The following PCIF1 variants were observed in gnomAD, a reference collection of about 807,000 sequenced individuals.
PCIF1 encodes the protein mRNA (2'-O-methyladenosine-N(6)-)-methyltransferase.
Under a neutral mutation model 86.9 loss-of-function variants are expected in PCIF1, and 12 were observed. That is an observed-to-expected ratio of 0.14 (90% confidence interval 0.09 to 0.22). The LOEUF (loss-of-function observed/expected upper bound fraction) is 0.22. Ranked by LOEUF, PCIF1 falls within the 10% of genes least tolerant of loss-of-function variation. PCIF1 has a pLI of 1.00. For missense variants in PCIF1, 701 were observed against 951.1 expected (o/e 0.74, Z 3.46); for synonymous variants, 397 against 372.0 (o/e 1.07, Z -0.77).
chr20:45,937,287 T>A (rs2083435174), intron 1 of PCIF1, 131 bp from the exon 2 acceptor site: 1 of 397,438 alleles, frequency 2.5e-6, no homozygotes, highest in African/African-American at 2.1e-5. Flanking sequence ...TTTCATCCCC[T>A]GTATTCCCTC....
chr20:45,939,300 C>T lies in PCIF1; in HGVS notation c.210C>T (p.Ser70=), dbSNP rs751195643. The T allele has an allele frequency of 8.1e-6, 13 of 1,613,626 alleles. No homozygotes were observed. Among genetic ancestry groups the T allele is most frequent in the African/African-American group, 2.7e-5 (2 of 74,934 alleles). The change falls in exon 4 of 17, where the codon TCC becomes TCT. Residue 70 remains serine (S), a synonymous_variant. Transcript: ENST00000372409. ...PYYFNRFTNQ[S]LWEMPVLGQH... is the part of the protein sequence containing the mutation. ...ACTTCAACCGATTCACCAACCAGTC[C>T]CTGTGGGAGATGCCCGTGCTGGGGC...
chr20:45,939,455 C>T lies in PCIF1; in HGVS notation c.249+116C>T, dbSNP rs572595419. 4 of 1,434,396 alleles carry T rather than the reference C, an allele frequency of 2.8e-6. No individual in the cohort carries two copies. In the African/African-American group the frequency reaches 5.6e-5, roughly 20 times the overall value. The allele number at this position is 1,434,396 out of a possible 1,614,324, so 88.9% of individuals were successfully genotyped here. A position where few individuals can be genotyped will look rare whatever the true frequency, so the allele number is the denominator to read the frequency against. On this transcript the variant is annotated intron_variant, in intron 4 of 16. Coordinates refer to ENST00000372409, the MANE Select transcript of PCIF1 (RefSeq NM_022104.4). ...AGCCCTGTGCTGGCACCTGCAGATA[C>T]AATGACAAGCAAGACAGACACAGCC...
chr20:45,936,622 A>T (rs1416935200), intron 1 of PCIF1, among the ~76,000 whole-genome samples: 1 of 151,682 alleles, frequency 6.6e-6, no homozygotes, highest in Non-Finnish European at 1.5e-5. Flanking sequence ...AGTAGCTGGG[A>T]CTGCAGGTGC....
chr20:45,944,952 A>C lies in PCIF1; in HGVS notation c.1090A>C (p.Ile364Leu). The C allele has an allele frequency of 1.2e-6, 2 of 1,614,156 alleles. No homozygotes were observed. Among genetic ancestry groups the C allele is most frequent in the Non-Finnish European group, 1.7e-6 (2 of 1,180,020 alleles). ...CTCCGTGGAAGGCATCTGCAGTAAG[A>C]TCTACCACATCTCCCTGGAGTACGT... ...KDSVEGICSKIYHISLEYVKR... is the reference protein window; with the variant it reads ...KDSVEGICSKLYHISLEYVKR... Residue 364 changes from isoleucine (I) to leucine (L), a missense_variant, in exon 11 of 17, where the codon ATC becomes CTC. By Grantham distance (5) the Ile-to-Leu change is conservative. Coordinates refer to ENST00000372409, the MANE Select transcript of PCIF1 (RefSeq NM_022104.4).
intron 2 of PCIF1, among the ~76,000 whole-genome samples, chr20:45,938,474 C>T (rs944539399): frequency 6.6e-6 from 1 of 152,072 alleles, no homozygotes; most frequent in African/African-American, 2.4e-5. Flanking sequence ...TTTTTTGCTG[C>T]TCTTGGTGCT....
rs150436199 is a variant in PCIF1 at position 45,940,871 on chromosome 20, C to T, written c.450C>T (p.Thr150=). The change falls in exon 6 of 17, where the codon ACC becomes ACT. Residue 150 remains threonine, a synonymous_variant. Coordinates refer to ENST00000372409, the MANE Select transcript of PCIF1 (RefSeq NM_022104.4). ...CCAGCTCCCCCAGTATCCCAGGAAC[C>T]CCAACGCTGAAGATGTGGGGTACGT... The part of the protein sequence containing the change: ...SVPSSPSIPG[T]PTLKMWGTSP... 157 of 1,614,054 alleles carry T rather than the reference C, an allele frequency of 9.7e-5. 1 individual carries two copies. The highest frequency in any genetic ancestry group is 1.2e-4 in the Non-Finnish European group (147 of 1,180,038).
rs1203122918 is a variant in PCIF1 at position 45,947,722 on chromosome 20, G to C, written c.2082G>C (p.Glu694Asp). The C allele has an allele frequency of 3.2e-5, 51 of 1,605,434 alleles. No homozygotes were observed. The highest frequency in any genetic ancestry group is 4.3e-5 in the Non-Finnish European group (51 of 1,175,528). ...CCAAGGACCGGGACTCGGGCCGTGA[G>C]CAGGGTCCTAGCCGCGAGCCTCACC... ...SEAKDRDSGR[E>D]QGPSREPHPT Residue 694 changes from glutamate (E) to aspartate (D), a missense_variant, in exon 17 of 17, where the codon GAG becomes GAC. Coordinates refer to ENST00000372409, the MANE Select transcript of PCIF1 (RefSeq NM_022104.4). This position sits in a 1 kb window ranked among gnomAD's most constrained non-coding sequence, Gnocchi z 5.4.
intron 1 of PCIF1, 87 bp downstream of exon 1, chr20:45,934,891 C>T (rs1242281294): frequency 5.0e-6 from 2 of 397,500 alleles, no homozygotes; most frequent in African/African-American, 2.1e-5. Flanking sequence ...CCCTCCGGCG[C>T]TTTCTGCTCG....
At chr20:45,935,041 C>T (rs1400458735) in intron 1 of PCIF1, among the ~76,000 whole-genome samples, 2 of 151,944 alleles carry the variant, frequency 1.3e-5, no homozygotes, top group African/African-American at 2.4e-5. Context: ...CTGCTGCCGC[C>T]GCCACCGCCT....
intron 2 of PCIF1, among the ~76,000 whole-genome samples, chr20:45,938,581 G>A (rs1371858713): frequency 6.6e-6 from 1 of 152,190 alleles, no homozygotes; most frequent in Non-Finnish European, 1.5e-5. Context: ...CCTATTTCTG[G>A]AAGTTCTGAC....
chr20:45,940,498 G>A lies in PCIF1; in HGVS notation c.273G>A (p.Ala91=), dbSNP rs747265485. The A allele has an allele frequency of 6.8e-6, 11 of 1,607,280 alleles. No homozygotes were observed. The highest frequency in any genetic ancestry group is 3.3e-4 in the Middle Eastern group (2 of 6,056). ...AGTCGGACCCTTTGGGGCTGAATGC[G>A]ACCCCACTGCCCCAAGACTCAAGCT... ...DVISDPLGLN[A]TPLPQDSSLV... The change falls in exon 5 of 17, where the codon GCG becomes GCA. Residue 91 remains alanine (A), a synonymous_variant. Coordinates refer to ENST00000372409, the MANE Select transcript of PCIF1 (RefSeq NM_022104.4).
At position 45,945,098 on chromosome 20, in the gene PCIF1, G is replaced by GGGC. The variant is rs2083510762; in HGVS notation, c.1168+68_1168+69insGGC. On this transcript the variant is annotated intron_variant, in intron 11 of 16. Transcript: ENST00000372409. ...CTCTATACCCTGATGGAAGGGACAA[G>GGGC]TGAGACTGAGCCTCAAGGCCAGGGA... 1.1e-5 allele frequency: 16 copies of GGGC among 1,487,114 alleles called. No homozygotes were observed. In the South Asian group the frequency reaches 1.9e-4, roughly 18 times the overall value. 92.1% of individuals were successfully genotyped at this position (1,487,114 alleles called of 1,614,324 possible). A position where few individuals can be genotyped will look rare whatever the true frequency, so the allele number is the denominator to read the frequency against.
At position 45,941,942 on chromosome 20, in the gene PCIF1, A is replaced by G. The variant is rs183753923; in HGVS notation, c.673+735A>G. On this transcript the variant is annotated intron_variant, in intron 7 of 16. Coordinates refer to ENST00000372409, the MANE Select transcript of PCIF1 (RefSeq NM_022104.4). ...CCTATTTAACCTTGCTCAAATATAG[A>G]ATCCTCTGGCCTTTCACCTTTTTTT... is the stretch of plus-strand genomic sequence containing the variant. Among the ~76,000 whole-genome samples the G allele has an allele frequency of 1.3e-3, 201 of 149,660 alleles. 1 individual carries two copies. Among genetic ancestry groups the G allele is most frequent in the Non-Finnish European group, 9.8e-4 (66 of 67,618 alleles).
chr20:45,942,429 C>G (rs2083480501), intron 7 of PCIF1, among the ~76,000 whole-genome samples: 1 of 152,032 alleles, frequency 6.6e-6, no homozygotes, highest in Non-Finnish European at 1.5e-5. Flanking sequence ...ATTCTCCTGC[C>G]TCAGCCTCCT....
In PCIF1 at chr20:45,934,759, T is replaced by C; in HGVS notation, c.-233T>C. The C allele has an allele frequency of 2.5e-6, 1 of 398,152 alleles. No homozygotes were observed. Among genetic ancestry groups the C allele is most frequent in the Non-Finnish European group, 4.4e-6 (1 of 225,916 alleles). 24.7% of individuals were successfully genotyped at this position (398,152 alleles called of 1,614,324 possible). On this transcript the variant is annotated 5_prime_UTR_variant, in exon 1 of 17. Coordinates refer to ENST00000372409, the MANE Select transcript of PCIF1 (RefSeq NM_022104.4). ...GAGGCGGAGGCGGCAAAACGGGCGG[T>C]CGAGCAGAACGTGTAGCCGCGTCCC...
At chr20:45,945,097 A>G in intron 11 of PCIF1, 67 bp downstream of exon 11, 1 of 1,486,806 alleles carries the variant, frequency 6.7e-7, no homozygotes, top group Non-Finnish European at 9.0e-7. Context: ...GGAAGGGACA[A>G]GTGAGACTGA....
Position 45,939,378 on chromosome 20 carries a change from C to T in PCIF1, c.249+39C>T, listed in dbSNP as rs767219580. Reference sequence around the variant, plus strand: ...TAGGGTGGGGGGGTCTCAGAGTGGCCTCTGGCACCTGGGCCTTCCCCAAAT... The same window carrying T: ...TAGGGTGGGGGGGTCTCAGAGTGGCTTCTGGCACCTGGGCCTTCCCCAAAT... On this transcript the variant is annotated intron_variant, in intron 4 of 16. Transcript: ENST00000372409. 5 of 1,609,904 alleles carry T rather than the reference C, an allele frequency of 3.1e-6. No individual in the cohort carries two copies. The South Asian group carries it at 5.5e-5, about 18-fold the overall frequency.
chr20:45,941,273 A>C, intron 7 of PCIF1, 66 bp downstream of exon 7: 1 of 1,534,096 alleles, frequency 6.5e-7, no homozygotes, highest in Non-Finnish European at 8.8e-7. Flanking sequence ...AGGTTTGGCC[A>C]GGCCAGTTTG....
intron 7 of PCIF1, among the ~76,000 whole-genome samples, chr20:45,942,309 CTTTT>C (rs71181876): frequency 1.8e-5 from 2 of 109,328 alleles, no homozygotes; most frequent in African/African-American, 7.0e-5. Flanking sequence ...TTATGTAATA[CTTTT>C]TTTTTTTTTT....
Sources: allele counts gnomAD v4.1 joint callset (sites outside exome capture counted in the v4.1 genomes callset), GRCh38; gene constraint gnomAD v4.1.1; non-coding constraint Gnocchi (gnomAD v3.1); transcripts MANE v1.5; gene names NCBI Gene and HGNC (gene_info 2026-07-23, HGNC 2026-07-21).